The following USP15 variants were observed in gnomAD, a reference collection of about 807,000 sequenced individuals.
USP15 encodes ubiquitin specific peptidase 15, also known as ubiquitin carboxyl-terminal hydrolase 15.
In USP15, 18 loss-of-function variants were observed where a neutral mutation model predicts 127.1. The ratio of observed to expected loss-of-function variants is 0.14; its 90% CI spans 0.10 to 0.21. The LOEUF (loss-of-function observed/expected upper bound fraction) is 0.21. USP15 is among the 10% of genes least tolerant of loss of function. The pLI is 1.00. For synonymous variants in USP15, 364 were observed against 393.7 expected, an observed-to-expected ratio of 0.92 and a Z score of 0.89; for missense variants, 805 against 1,159.9, an observed-to-expected ratio of 0.69 and a Z score of 4.44.
At chr12:62,328,386 G>A (rs1565859030) in intron 6 of USP15, 1 of 406,988 alleles carries the variant, frequency 2.5e-6, no homozygotes, top group Non-Finnish European at 5.0e-6. Context: ...CAATGCCTGT[G>A]TTCCAATAAA....
intron 1 of USP15, among the ~76,000 whole-genome samples, chr12:62,265,708 A>G (rs2063176192): frequency 6.6e-6 from 1 of 152,070 alleles, no homozygotes. Context: ...CACCACACCC[A>G]GCTAATTTTT....
chr12:62,323,905 A>G (rs1299697296), intron 5 of USP15, among the ~76,000 whole-genome samples: 3 of 152,120 alleles, frequency 2.0e-5, no homozygotes, highest in Non-Finnish European at 4.4e-5. Context: ...TTGACCTTTA[A>G]AAACAGGAAT....
chr12:62,315,453 GAC>G (rs1278009701), intron 4 of USP15, among the ~76,000 whole-genome samples: 1 of 151,744 alleles, frequency 6.6e-6, no homozygotes, highest in African/African-American at 2.4e-5. Flanking sequence ...CTATTTAAAA[GAC>G]ACATTTTTAA....
chr12:62,384,341 T>C, intron 11 of USP15, 39 bp downstream of exon 11: 1 of 1,436,720 alleles, frequency 7.0e-7, no homozygotes. Flanking sequence ...TTTTTTTTTT[T>C]TTTTTGCATT....
intron 6 of USP15, among the ~76,000 whole-genome samples, chr12:62,348,024 A>G (rs922668141): frequency 7.9e-5 from 12 of 152,166 alleles, no homozygotes; most frequent in Admixed American, 7.9e-4. Flanking sequence ...CAATATGGTG[A>G]GATCTCTGTC....
intron 8 of USP15, among the ~76,000 whole-genome samples, chr12:62,361,808 T>C (rs10877831): frequency 2.6e-5 from 4 of 151,818 alleles, no homozygotes; most frequent in African/African-American, 9.7e-5. Flanking sequence ...TTTCTAAAAG[T>C]TTACCATTTA....
rs374612352 is a variant in USP15 at position 62,396,344 on chromosome 12, C to T, written c.2620C>T (p.Arg874Cys). ...AATTAATCCAAATGCAGGTCCTTGC[C>T]GCTATAATCTGATTGCTGTTTCCAA... ...FLINPNAGPC[R>C]YNLIAVSNHY... Residue 874 changes from arginine (R) to cysteine (C), a missense_variant, in exon 20 of 22, where the codon CGC (arginine) becomes TGC (cysteine). By Grantham distance (180) the Arg-to-Cys change is radical (BLOSUM62 -3). Transcript: ENST00000280377. 2.0e-5 allele frequency: 32 copies of T among 1,600,512 alleles called. No homozygotes were observed. Among genetic ancestry groups the T allele is most frequent in the Admixed American group, 8.7e-5 (5 of 57,494 alleles).
At chr12:62,327,752 A>G (rs1408970346) in intron 6 of USP15, 1 of 381,244 alleles carries the variant, frequency 2.6e-6, no homozygotes, top group East Asian at 8.5e-5. Context: ...AACACACCAT[A>G]CTCATGCAAT....
intron 6 of USP15, among the ~76,000 whole-genome samples, chr12:62,332,527 C>T (rs2065335167): frequency 6.6e-6 from 1 of 151,556 alleles, no homozygotes; most frequent in African/African-American, 2.4e-5. Flanking sequence ...ATTATAGAAA[C>T]CTGGGGGTTC....
rs2068008534 is a variant in USP15, at chr12:62,410,329, T to C, written c.*5954T>C. 1 of 152,090 alleles carries C rather than the reference T, an allele frequency of 6.6e-6. No individual in the cohort carries two copies. The highest frequency in any genetic ancestry group is 6.6e-5 in the Admixed American group (1 of 15,244). The allele number at this position is 152,090 out of a possible 1,614,324, so 9.4% of individuals were successfully genotyped here. On this transcript the variant is annotated 3_prime_UTR_variant, in exon 22 of 22. Coordinates refer to ENST00000280377, the MANE Select transcript of USP15 (RefSeq NM_001252078.2). ...TGAATTATCAGTCTCCCAAGAATTATGTAAAGCAAATAGGAATTATTTTAG... is the reference window on the plus strand; with the variant it reads ...TGAATTATCAGTCTCCCAAGAATTACGTAAAGCAAATAGGAATTATTTTAG...
intron 17 of USP15, 53 bp downstream of exon 17, chr12:62,391,939 T>G: frequency 6.8e-7 from 1 of 1,462,878 alleles, no homozygotes; most frequent in Non-Finnish European, 9.4e-7. Flanking sequence ...CTTTATGTGA[T>G]TACCAGAGAT....
At chr12:62,389,148 G>T (rs2067247080) in intron 11 of USP15, among the ~76,000 whole-genome samples, 1 of 152,036 alleles carries the variant, frequency 6.6e-6, no homozygotes, top group Non-Finnish European at 1.5e-5. Flanking sequence ...AACAAAAAAA[G>T]ATAGCAAAAG....
chr12:62,307,104 A>ACT (rs2064508979), intron 3 of USP15, among the ~76,000 whole-genome samples: 1 of 152,100 alleles, frequency 6.6e-6, no homozygotes, highest in African/African-American at 2.4e-5. Flanking sequence ...AATGGAATGA[A>ACT]CTCCAGTAAG....
At chr12:62,376,461 C>A (rs1243090742) in intron 8 of USP15, among the ~76,000 whole-genome samples, 1 of 151,934 alleles carries the variant, frequency 6.6e-6, no homozygotes, top group African/African-American at 2.4e-5. Flanking sequence ...CATATTTGGA[C>A]CTTGTTATAT....
At chr12:62,350,285 A>G (rs2065931147) in intron 7 of USP15, among the ~76,000 whole-genome samples, 1 of 152,024 alleles carries the variant, frequency 6.6e-6, no homozygotes, top group South Asian at 2.1e-4. Context: ...AAACACCAAT[A>G]ATTAAAACAC....
chr12:62,322,343 G>A (rs2137284753), intron 5 of USP15, among the ~76,000 whole-genome samples: 1 of 152,150 alleles, frequency 6.6e-6, no homozygotes, highest in Non-Finnish European at 1.5e-5. Context: ...GGCCAGGATG[G>A]GCCAGAATGG....
chr12:62,392,428 G>C (rs1457428542), intron 18 of USP15, 41 bp downstream of exon 18: 5 of 1,440,204 alleles, frequency 3.5e-6, no homozygotes, highest in Non-Finnish European at 4.7e-6. Flanking sequence ...TTTTCTTTAA[G>C]GATTTATTCT....
intron 8 of USP15, among the ~76,000 whole-genome samples, chr12:62,369,465 GT>G (rs34913772): frequency 2.2e-4 from 32 of 148,200 alleles, no homozygotes; most frequent in Middle Eastern, 3.5e-3. Context: ...ATGCCAACTG[GT>G]TTTTTTTTTT....
chr12:62,333,439 G>GT lies in USP15; in HGVS notation c.683+7513dup, dbSNP rs1335892734. Among the ~76,000 whole-genome samples, 4 of 151,896 alleles carry GT rather than the reference G, an allele frequency of 2.6e-5. No individual in the cohort carries two copies. In the East Asian group the frequency reaches 5.8e-4, roughly 22 times the overall value. Reference sequence around the variant, plus strand: ...ACCACCACACCTGGCTAATTTTTGGGTTTTTTTGTTCTTTTGTTTGTTTGT... The same window carrying GT: ...ACCACCACACCTGGCTAATTTTTGGGTTTTTTTTGTTCTTTTGTTTGTTTGT... On this transcript the variant is annotated intron_variant, in intron 6 of 21. Coordinates refer to ENST00000280377, the MANE Select transcript of USP15 (RefSeq NM_001252078.2).
Sources: allele counts gnomAD v4.1 joint callset (sites outside exome capture counted in the v4.1 genomes callset), GRCh38; gene constraint gnomAD v4.1.1; transcripts MANE v1.5; gene names NCBI Gene and HGNC (gene_info 2026-07-23, HGNC 2026-07-21).